Variants in PCDH11X observed in about 807,000 individuals in gnomAD.
PCDH11X encodes the protein protocadherin-11 X-linked.
Under a neutral mutation model 53.3 loss-of-function variants are expected in PCDH11X, and 18 were observed. The ratio of observed to expected loss-of-function variants is 0.34; its 90% CI spans 0.23 to 0.50. PCDH11X has a LOEUF of 0.50. PCDH11X is among the 20% of genes least tolerant of loss of function. PCDH11X has a pLI of 0.98. For synonymous variants in PCDH11X, 279 were observed against 393.3 expected (o/e 0.71, Z 3.44); for missense variants, 570 against 1,032.4 (o/e 0.55, Z 6.14).
intron 1 of PCDH11X, among the ~76,000 whole-genome samples, chrX:91,797,804 A>T: frequency 9.0e-6 from 1 of 110,665 alleles, no homozygotes; most frequent in Admixed American, 9.7e-5. Context: ...TCCTTAGGGT[A>T]TTTAGTCAGA....
chrX:91,898,844 T>TAG (rs1940848933), intron 6 of PCDH11X, among the ~76,000 whole-genome samples: 1 of 110,425 alleles, frequency 9.1e-6, no homozygotes, highest in Non-Finnish European at 1.9e-5. Flanking sequence ...TTGTTGAGGT[T>TAG]TAGCTTTCCT....
intron 6 of PCDH11X, among the ~76,000 whole-genome samples, chrX:91,913,586 C>T (rs1941452324): frequency 9.0e-6 from 1 of 111,593 alleles, no homozygotes; most frequent in Non-Finnish European, 1.9e-5. Context: ...CCCAGACCCA[C>T]CAAACCCTGC....
chrX:92,577,731 G>T (rs1220516002), intron 10 of PCDH11X, among the ~76,000 whole-genome samples: 1 of 110,799 alleles, frequency 9.0e-6, no homozygotes, highest in African/African-American at 3.3e-5. Flanking sequence ...AGGGATTCTG[G>T]TACGTTATCT....
At chrX:92,536,256 T>C (rs2074656626) in intron 10 of PCDH11X, among the ~76,000 whole-genome samples, 1 of 111,510 alleles carries the variant, frequency 9.0e-6, no homozygotes, top group East Asian at 2.8e-4. Flanking sequence ...ATTGTTTATG[T>C]ACATTTTTAT....
chrX:91,835,422 T>C (rs1937256799), intron 4 of PCDH11X, 39 bp from the exon 5 acceptor site: 1 of 1,207,801 alleles, frequency 8.3e-7, no homozygotes, highest in Non-Finnish European at 1.1e-6. Context: ...TCTTAATAAT[T>C]TCTTCTTCCT....
intron 9 of PCDH11X, among the ~76,000 whole-genome samples, chrX:92,393,090 C>T (rs1186773522): frequency 2.6e-4 from 29 of 109,830 alleles, no homozygotes; most frequent in Middle Eastern, 9.3e-3. Context: ...GCATTTTTGA[C>T]GAAAGTCACA....
intron 10 of PCDH11X, 157 bp from the exon 11 acceptor site, chrX:92,618,107 T>G (rs763420904): frequency 1.4e-6 from 1 of 717,798 alleles, no homozygotes; most frequent in South Asian, 2.9e-5. Context: ...CCCTAAGAAT[T>G]ACTGACAAAT....
chrX:92,042,030 GATAAATCAATTTTA>G (rs1203496758), intron 6 of PCDH11X, among the ~76,000 whole-genome samples: 1 of 111,838 alleles, frequency 8.9e-6, no homozygotes, highest in Non-Finnish European at 1.9e-5. Flanking sequence ...TGGGATTATT[GATAAATCAATTTTA>G]ATAAATAGTA....
chrX:92,531,570 T>A (rs1221039178), intron 10 of PCDH11X, among the ~76,000 whole-genome samples: 1 of 109,635 alleles, frequency 9.1e-6, no homozygotes, highest in African/African-American at 3.3e-5. Context: ...TGAAGTTTTT[T>A]AATGAATATA....
At chrX:92,588,228 A>C (rs1448699799) in intron 10 of PCDH11X, among the ~76,000 whole-genome samples, 6 of 92,480 alleles carry the variant, frequency 6.5e-5, no homozygotes, top group Admixed American at 5.1e-4. Flanking sequence ...AGTGTACTAA[A>C]AAATATATAT....
chrX:91,952,969 C>T (rs2061659842), intron 6 of PCDH11X, among the ~76,000 whole-genome samples: 2 of 110,666 alleles, frequency 1.8e-5, no homozygotes, highest in South Asian at 7.7e-4. Flanking sequence ...ATGACATGTT[C>T]TCATTTATTT....
intron 5 of PCDH11X, among the ~76,000 whole-genome samples, chrX:91,844,759 G>C (rs868798114): frequency 2.5e-4 from 26 of 105,937 alleles, no homozygotes; most frequent in Admixed American, 4.2e-4. Flanking sequence ...GCTTATAAGA[G>C]AGCCAAGATA....
rs1207135798 is a variant in PCDH11X at position 91,984,587 on chromosome X, GCTA to G, written c.3033+105315_3033+105317del. 2.8e-4 allele frequency among the ~76,000 whole-genome samples: 31 copies of G among 110,404 alleles called. No individual in the cohort carries two copies. The East Asian group carries it at 4.9e-3, about 17-fold the overall frequency. On this transcript the variant is annotated intron_variant, in intron 6 of 10. Coordinates refer to ENST00000682573, the MANE Select transcript of PCDH11X (RefSeq NM_032968.5). ...CTAGACAAGTTTTGAGTTTACCACT[GCTA>G]AGGCAACCTGGGAGTATTACCTTCT...
chrX:92,350,997 G>A (rs1325771929), intron 8 of PCDH11X, among the ~76,000 whole-genome samples: 1 of 111,916 alleles, frequency 8.9e-6, no homozygotes, highest in Non-Finnish European at 1.9e-5. Flanking sequence ...CTGATGGCAG[G>A]TTTTGAAGTT....
chrX:91,938,813 A>G (rs990028932), intron 6 of PCDH11X, among the ~76,000 whole-genome samples: 1 of 110,932 alleles, frequency 9.0e-6, no homozygotes, highest in Non-Finnish European at 1.9e-5. Context: ...CCCCTAGATG[A>G]AGCATAACTC....
intron 8 of PCDH11X, among the ~76,000 whole-genome samples, chrX:92,281,210 A>T (rs1371445282): frequency 3.6e-5 from 4 of 111,856 alleles, no homozygotes; most frequent in African/African-American, 9.7e-5. Context: ...CAAAGGTCAT[A>T]TTGAATCATT....
At chrX:91,905,404 C>T (rs1941117908) in intron 6 of PCDH11X, among the ~76,000 whole-genome samples, 1 of 110,411 alleles carries the variant, frequency 9.1e-6, no homozygotes, top group African/African-American at 3.3e-5. Flanking sequence ...AATTCTACTT[C>T]CAGAAATTTA....
chrX:91,835,138 T>C (rs938508983), intron 4 of PCDH11X: 1 of 568,303 alleles, frequency 1.8e-6, no homozygotes, highest in Admixed American at 6.2e-5. Context: ...GAATTAAATA[T>C]TTTAATTATT....
intron 6 of PCDH11X, among the ~76,000 whole-genome samples, chrX:91,918,350 A>C (rs1941638960): frequency 9.2e-6 from 1 of 108,430 alleles, no homozygotes; most frequent in African/African-American, 3.3e-5. Context: ...TCAAGTATAA[A>C]AGTGTTGCGC....
Sources: gnomAD v4.1 joint callset for allele counts (sites outside exome capture counted in the v4.1 genomes callset) on GRCh38, gnomAD v4.1.1 for gene constraint, MANE v1.5 for transcripts, NCBI Gene and HGNC (gene_info 2026-07-23, HGNC 2026-07-21) for gene names.